The following AGAP3 variants were observed in gnomAD, a reference collection of about 807,000 sequenced individuals.
AGAP3 encodes the protein ArfGAP with GTPase domain, ankyrin repeat and PH domain 3, also known as arf-GAP with GTPase, ANK repeat and PH domain-containing protein 3.
In AGAP3, 24 loss-of-function variants were observed where a neutral mutation model predicts 96.9. The ratio of observed to expected loss-of-function variants is 0.25; its 90% CI spans 0.18 to 0.35. The LOEUF (loss-of-function observed/expected upper bound fraction) is 0.35, where lower values mean the gene tolerates loss of function less well. AGAP3 is among the 10% of genes least tolerant of loss of function. The pLI is 1.00. For synonymous variants in AGAP3, 563 were observed against 536.1 expected, an observed-to-expected ratio of 1.05 and a Z score of -0.69; for missense variants, 876 against 1,254.2, an observed-to-expected ratio of 0.70 and a Z score of 4.55.
At chr7:151,121,146 G>A (rs540907109) in intron 8 of AGAP3, 154 of 156,574 alleles carry the variant, frequency 9.8e-4, no homozygotes, top group Non-Finnish European at 1.9e-3. Context: ...ACTCATCCTC[G>A]CCTCTGCCTG....
chr7:151,112,576 G>A (rs374494286), intron 1 of AGAP3, among the ~76,000 whole-genome samples: 9 of 152,002 alleles, frequency 5.9e-5, no homozygotes, highest in Admixed American at 1.3e-4. Context: ...TCCAGAGGTC[G>A]GCTCCCATAG....
rs979777921 is a variant in AGAP3, at chr7:151,140,395, C to G, written c.1804+279C>G. On this transcript the variant is annotated intron_variant, in intron 13 of 17. Transcript: ENST00000397238. The surrounding 1 kb of genome is among the most constrained non-coding windows in gnomAD (Gnocchi z 5.4). Reference sequence around the variant, plus strand: ...GCAGACTGCTACATCAATAGCTCCTCTAAGATGTTCGGGCAGGACCTGTGT... The same window carrying G: ...GCAGACTGCTACATCAATAGCTCCTGTAAGATGTTCGGGCAGGACCTGTGT... 2 of 254,066 alleles carry G rather than the reference C, an allele frequency of 7.9e-6. No homozygotes were observed. Among genetic ancestry groups the G allele is most frequent in the Non-Finnish European group, 1.5e-5 (2 of 135,690 alleles). The allele number at this position is 254,066 out of a possible 1,614,324, so 15.7% of individuals were successfully genotyped here.
At position 151,106,162 on chromosome 7, in the gene AGAP3, T is replaced by C. The variant is rs192446721; in HGVS notation, c.332-10631T>C. Among the ~76,000 whole-genome samples the C allele has an allele frequency of 3.0e-3, 452 of 152,192 alleles. 5 individuals are homozygous for C. Among genetic ancestry groups the C allele is most frequent in the Admixed American group, 9.8e-3 (150 of 15,288 alleles). On this transcript the variant is annotated intron_variant, in intron 1 of 17. Transcript: ENST00000397238. ...GTGTTGCAGTGGCACTTGTCCAGAA[T>C]TGGTACCTCCCCATAGTTGGGGGCT... is the stretch of plus-strand genomic sequence containing the variant.
intron 1 of AGAP3, among the ~76,000 whole-genome samples, chr7:151,107,005 T>TTCTG (rs1417303271): frequency 6.6e-6 from 1 of 152,226 alleles, no homozygotes; most frequent in Admixed American, 6.5e-5. Context: ...TTATTGCATC[T>TTCTG]TCTGTTTATA....
At chr7:151,116,314 C>G (rs568927162) in intron 1 of AGAP3, 1 of 158,166 alleles carries the variant, frequency 6.3e-6, no homozygotes, top group East Asian at 1.9e-4. Flanking sequence ...TCCCTCTTCA[C>G]CCGGCTCAGG....
At position 151,134,447 on chromosome 7, in the gene AGAP3, A is replaced by G. The variant is rs764406299; in HGVS notation, c.1374A>G (p.Thr458=). Residue 458 remains threonine, a synonymous_variant, in exon 11 of 18, where the codon ACA becomes ACG. Coordinates refer to ENST00000397238, the MANE Select transcript of AGAP3 (RefSeq NM_031946.7). ...IHGKEIDLLR[T]TVKVPGKRLP... ...GCAAGGAGATTGACCTGCTGCGGAC[A>G]ACGGTGAAAGTGCCAGGGAAGCGCC... The G allele has an allele frequency of 6.2e-7, 1 of 1,613,466 alleles. No individual in the cohort carries two copies. The highest frequency in any genetic ancestry group is 1.7e-5 in the Admixed American group (1 of 60,024).
Position 151,120,601 on chromosome 7 carries a change from C to T in AGAP3, c.1128+456C>T, listed in dbSNP as rs999908048. ...GCCCAGCTAGAGTCAGAGCCCAGGCCTCCCCGTCGCCTTCCGGCTCTTTTT... is the reference window on the plus strand; with the variant it reads ...GCCCAGCTAGAGTCAGAGCCCAGGCTTCCCCGTCGCCTTCCGGCTCTTTTT... On this transcript the variant is annotated intron_variant, in intron 8 of 17. Transcript: ENST00000397238. The T allele has an allele frequency of 3.1e-6, 4 of 1,292,246 alleles. No individual in the cohort carries two copies. In the African/African-American group the frequency reaches 6.0e-5, roughly 20 times the overall value. 80.0% of individuals were successfully genotyped at this position (1,292,246 alleles called of 1,614,324 possible). A position where few individuals can be genotyped will look rare whatever the true frequency, so the allele number is the denominator to read the frequency against.
chr7:151,134,682 A>G (rs1162146065), intron 11 of AGAP3, 114 bp downstream of exon 11: 47 of 1,119,204 alleles, frequency 4.2e-5, no homozygotes, highest in Non-Finnish European at 6.0e-5. Flanking sequence ...GGCCAGCATC[A>G]CACTTCAAGG....
At chr7:151,122,749 T>C in intron 8 of AGAP3, 1 of 1,613,890 alleles carries the variant, frequency 6.2e-7, no homozygotes, top group Non-Finnish European at 8.5e-7. Context: ...TTCCAACTTT[T>C]CATCAACAAA....
intron 7 of AGAP3, among the ~76,000 whole-genome samples, chr7:151,119,545 C>CTCCGGCT (rs2150477986): frequency 6.6e-6 from 1 of 152,362 alleles, no homozygotes; most frequent in Non-Finnish European, 1.5e-5. Flanking sequence ...CCTGGGCCAC[C>CTCCGGCT]TCCGGCTCCC....
chr7:151,128,851 G>A (rs13228701), intron 10 of AGAP3, among the ~76,000 whole-genome samples, 167 bp downstream of exon 10: 2 of 152,194 alleles, frequency 1.3e-5, no homozygotes, highest in Non-Finnish European at 2.9e-5. Context: ...CTTGGGACAT[G>A]CACAAGACCC....
rs553742958 is a variant in AGAP3 at position 151,096,972 on chromosome 7, A to T, written c.331+9900A>T. Reference sequence around the variant, plus strand: ...GCTAATTTTTGTATTTTTTGTAGAGACGGGGTTTTACCATGTTGGCCAGGG... The same window carrying T: ...GCTAATTTTTGTATTTTTTGTAGAGTCGGGGTTTTACCATGTTGGCCAGGG... On this transcript the variant is annotated intron_variant, in intron 1 of 17. Transcript: ENST00000397238. This position sits in a 1 kb window ranked among gnomAD's most constrained non-coding sequence, Gnocchi z 4.4. Among the ~76,000 whole-genome samples, 8 of 151,292 alleles carry T rather than the reference A, an allele frequency of 5.3e-5. No homozygotes were observed. The East Asian group carries it at 1.6e-3, about 30-fold the overall frequency.
At chr7:151,113,648 A>G (rs925065332) in intron 1 of AGAP3, among the ~76,000 whole-genome samples, 2 of 152,136 alleles carry the variant, frequency 1.3e-5, no homozygotes, top group African/African-American at 2.4e-5. Flanking sequence ...CACTACTTAA[A>G]CTGGTTTCTC....
In AGAP3 at chr7:151,119,999, G is replaced by A. The variant is rs368946506; in HGVS notation, c.982G>A (p.Gly328Ser). 1.3e-4 allele frequency: 205 copies of A among 1,612,984 alleles called. No individual in the cohort carries two copies. Among genetic ancestry groups the A allele is most frequent in the Admixed American group, 1.2e-3 (75 of 60,004 alleles). Residue 328 changes from glycine (G) to serine (S), a missense_variant, in exon 8 of 18, where the codon GGC (glycine) becomes AGC (serine). By Grantham distance (56) the Gly-to-Ser change is moderately conservative (BLOSUM62 0). Transcript: ENST00000397238. ...TCTTTGTCCTTAGGCCACGAATGGC[G>A]GCGGCAGCGCCTTCAGCGACTACTC... ...AVHINQATNG[G>S]GSAFSDYSSS...
intron 1 of AGAP3, among the ~76,000 whole-genome samples, chr7:151,087,411 G>A (rs1422967846): frequency 2.6e-5 from 4 of 152,178 alleles, no homozygotes; most frequent in African/African-American, 9.7e-5. Context: ...GGTCGTGACC[G>A]GGGAGGCTTC....
At chr7:151,104,406 G>C (rs561914169) in intron 1 of AGAP3, among the ~76,000 whole-genome samples, 1 of 152,180 alleles carries the variant, frequency 6.6e-6, no homozygotes, top group East Asian at 1.9e-4. Flanking sequence ...CATGCTTTGC[G>C]TGCCCGCTAT....
chr7:151,121,215 C>G (rs561339711), intron 8 of AGAP3, among the ~76,000 whole-genome samples: 3 of 152,116 alleles, frequency 2.0e-5, no homozygotes, highest in Non-Finnish European at 4.4e-5. Flanking sequence ...CACCTGCCCT[C>G]GCGGCCATCC....
At chr7:151,122,424 T>C (rs1187674751) in intron 8 of AGAP3, among the ~76,000 whole-genome samples, 3 of 152,196 alleles carry the variant, frequency 2.0e-5, no homozygotes, top group African/African-American at 7.2e-5. Flanking sequence ...GGATGGGGCC[T>C]GGGCTGCCGA....
At chr7:151,120,973 G>A in intron 8 of AGAP3, 1 of 550,356 alleles carries the variant, frequency 1.8e-6, no homozygotes, top group Non-Finnish European at 2.4e-6. Flanking sequence ...AAAGGTGGGT[G>A]AACCCCCGTG....
Sources: gnomAD v4.1 joint callset for allele counts (sites outside exome capture counted in the v4.1 genomes callset) on GRCh38, gnomAD v4.1.1 for gene constraint, Gnocchi (gnomAD v3.1) non-coding constraint, MANE v1.5 for transcripts, NCBI Gene and HGNC (gene_info 2026-07-23, HGNC 2026-07-21) for gene names.